RNF166: variants seen among roughly 807,000 people sequenced by gnomAD.
RNF166 encodes E3 ubiquitin-protein ligase RNF166.
Under a neutral mutation model 29.4 loss-of-function variants are expected in RNF166, and 19 were observed. That is an observed-to-expected ratio of 0.65 (90% CI 0.45 to 0.95). The LOEUF is 0.95. RNF166 is among the 40% of genes least tolerant of loss of function. The probability of loss-of-function intolerance (pLI) is 0.00; values close to 1 mark genes in which losing one functional copy is unlikely to be tolerated. For synonymous variants in RNF166, 171 were observed against 134.5 expected (o/e 1.27, Z -1.88); for missense variants, 347 against 322.1 (o/e 1.08, Z -0.59).
intron 1 of RNF166, chr16:88,703,253 T>C: frequency 1.0e-6 from 1 of 979,192 alleles, no homozygotes; most frequent in Middle Eastern, 5.2e-4. Context: ...ATTGCATCGA[T>C]TGTTGCATAA....
rs115890169 is a variant in RNF166, at chr16:88,697,782, C to T, written c.649-149G>A. 1,946 of 638,374 alleles carry T rather than the reference C, an allele frequency of 3.0e-3. 13 individuals are homozygous for T. Among genetic ancestry groups the T allele is most frequent in the Middle Eastern group, 0.013 (42 of 3,146 alleles). The allele number at this position is 638,374 out of a possible 1,614,324, so 39.5% of individuals were successfully genotyped here. ...CCCAGCTCCACTGTCCCCACAGGCTCGGGGCCTGCACGGTCCTCTGGGGGG... is the reference window on the plus strand; with the variant it reads ...CCCAGCTCCACTGTCCCCACAGGCTTGGGGCCTGCACGGTCCTCTGGGGGG... On this transcript the variant is annotated intron_variant, in intron 5 of 5. Transcript: ENST00000312838.
At chr16:88,703,598 G>C in intron 1 of RNF166, 1 of 985,538 alleles carries the variant, frequency 1.0e-6, no homozygotes, top group Non-Finnish European at 1.2e-6. Context: ...CTGGTGTTCA[G>C]AGAGCCAGCA....
At position 88,697,175 on chromosome 16, in the gene RNF166, T is replaced by TGGGCA. The variant is rs931249252; in HGVS notation, c.*388_*392dup. 1.1e-5 allele frequency: 2 copies of TGGGCA among 180,934 alleles called. No homozygotes were observed. The highest frequency in any genetic ancestry group is 4.8e-5 in the African/African-American group (2 of 41,990). 11.2% of individuals were successfully genotyped at this position (180,934 alleles called of 1,614,324 possible). A position where few individuals can be genotyped will look rare whatever the true frequency, so the allele number is the denominator to read the frequency against. On this transcript the variant is annotated 3_prime_UTR_variant, in exon 6 of 6. Coordinates refer to ENST00000312838, the MANE Select transcript of RNF166 (RefSeq NM_178841.4). Reference sequence around the variant, plus strand: ...AAGTGGGGCCGGGGCAGGGTCGGGCTGGGCAGGGCAGCAGCCTGGGTTCCT... The same window carrying TGGGCA: ...AAGTGGGGCCGGGGCAGGGTCGGGCTGGGCAGGGCAGGGCAGCAGCCTGGGTTCCT...
In RNF166 at chr16:88,703,781, G is replaced by A. The variant is rs576018400; in HGVS notation, c.156-2363C>T. On this transcript the variant is annotated intron_variant, in intron 1 of 5. Transcript: ENST00000312838. ...GCACTGGCCCTCCCAGCAGGCACCC[G>A]GGACTGCCAATGTGTCTCCCACACT... is the stretch of plus-strand genomic sequence containing the variant. 5.3e-4 allele frequency: 522 copies of A among 985,472 alleles called. 2 individuals carry two copies. The highest frequency in any genetic ancestry group is 2.0e-3 in the South Asian group (42 of 21,290). 61.0% of individuals were successfully genotyped at this position (985,472 alleles called of 1,614,324 possible). A position where few individuals can be genotyped will look rare whatever the true frequency, so the allele number is the denominator to read the frequency against.
chr16:88,698,226 AGGGGTTCTGT>A, intron 5 of RNF166: 1 of 633,400 alleles, frequency 1.6e-6, no homozygotes, highest in Non-Finnish European at 2.8e-6. Flanking sequence ...CTCACCCTCG[AGGGGTTCTGT>A]GGGGTGGGCA....
At chr16:88,698,160 G>C (rs534310417) in intron 5 of RNF166, 3 of 601,662 alleles carry the variant, frequency 5.0e-6, no homozygotes, top group African/African-American at 3.7e-5. Context: ...TGGAGTGTTC[G>C]ATGTTGATGA....
intron 1 of RNF166, chr16:88,703,746 G>A (rs1807324006): frequency 2.0e-6 from 2 of 985,350 alleles, no homozygotes; most frequent in Non-Finnish European, 2.4e-6. Flanking sequence ...ACAAAGGGAG[G>A]GGCGATCGCG....
At chr16:88,702,122 C>T (rs912776341) in intron 1 of RNF166, among the ~76,000 whole-genome samples, 15 of 152,236 alleles carry the variant, frequency 9.9e-5, no homozygotes, top group Non-Finnish European at 2.2e-4. Flanking sequence ...ACTCCGGGCT[C>T]CAGCAGCAGG....
In RNF166 at chr16:88,696,524, C is replaced by A. The variant is rs1307903064; in HGVS notation, c.*1044G>T. 2.6e-6 allele frequency: 1 copy of A among 384,308 alleles called. No homozygotes were observed. The highest frequency in any genetic ancestry group is 3.3e-5 in the Admixed American group (1 of 29,894). The allele number at this position is 384,308 out of a possible 1,614,324, so 23.8% of individuals were successfully genotyped here. ...GATGCTCTGAGACATTTTATTTAAA[C>A]TTTTTTTTTTAAAAAAAAGACAGCA... On this transcript the variant is annotated 3_prime_UTR_variant, in exon 6 of 6. Coordinates refer to ENST00000312838, the MANE Select transcript of RNF166 (RefSeq NM_178841.4).
chr16:88,702,415 C>T (rs1487996020), intron 1 of RNF166, among the ~76,000 whole-genome samples: 2 of 152,204 alleles, frequency 1.3e-5, no homozygotes, highest in South Asian at 4.1e-4. Flanking sequence ...AGGGCTGGTA[C>T]AGGAGCCCCA....
intron 2 of RNF166, 181 bp downstream of exon 2, chr16:88,701,081 G>A: frequency 2.3e-6 from 3 of 1,301,374 alleles, no homozygotes; most frequent in Non-Finnish European, 3.1e-6. Flanking sequence ...ACCACAGGAA[G>A]TGAGAGATGA....
chr16:88,705,887 G>A (rs1276504457), intron 1 of RNF166, among the ~76,000 whole-genome samples: 1 of 152,156 alleles, frequency 6.6e-6, no homozygotes. Context: ...AGCCGCCGGG[G>A]ACCCCGAGCT....
At chr16:88,704,055 C>G (rs972766170) in intron 1 of RNF166, 11 of 985,306 alleles carry the variant, frequency 1.1e-5, no homozygotes, top group Non-Finnish European at 1.2e-6. Context: ...GCCTCCTGCG[C>G]GAGGGCTAGA....
At chr16:88,703,900 C>G in intron 1 of RNF166, 1 of 985,440 alleles carries the variant, frequency 1.0e-6, no homozygotes, top group Non-Finnish European at 1.2e-6. Context: ...CACAGCTGTC[C>G]TGCACGAGTG....
chr16:88,703,379 G>C, intron 1 of RNF166: 1 of 985,504 alleles, frequency 1.0e-6, no homozygotes, highest in Non-Finnish European at 1.2e-6. Context: ...GGAAGGAAAA[G>C]GGTCCCAGGC....
intron 1 of RNF166, chr16:88,704,285 A>G: frequency 2.0e-6 from 2 of 985,498 alleles, no homozygotes; most frequent in Non-Finnish European, 2.4e-6. Flanking sequence ...GAGAACAGCC[A>G]GAAAACAAAA....
chr16:88,705,996 G>C (rs1056121470), intron 1 of RNF166, among the ~76,000 whole-genome samples, 175 bp downstream of exon 1: 1 of 151,938 alleles, frequency 6.6e-6, no homozygotes, highest in African/African-American at 2.4e-5. Context: ...AACGCGCCCA[G>C]AGGGCAGAGG....
At chr16:88,701,659 T>G in intron 1 of RNF166, 1 of 470,108 alleles carries the variant, frequency 2.1e-6, no homozygotes, top group Non-Finnish European at 3.8e-6. Context: ...GGTTTCTGGC[T>G]AGCGGCAGAG....
intron 1 of RNF166, 33 bp from the exon 2 acceptor site, chr16:88,701,451 C>G (rs761922283): frequency 3.3e-6 from 5 of 1,524,576 alleles, no homozygotes; most frequent in South Asian, 2.5e-5. Context: ...TGCCAGCCCG[C>G]CCCTCGGGTC....
Sources: allele counts gnomAD v4.1 joint callset (sites outside exome capture counted in the v4.1 genomes callset), GRCh38; gene constraint gnomAD v4.1.1; transcripts MANE v1.5; gene names NCBI Gene and HGNC (gene_info 2026-07-23, HGNC 2026-07-21).